ATP6V1E2: variants seen among roughly 807,000 people sequenced by gnomAD.
The protein encoded by ATP6V1E2 is ATPase H+ transporting V1 subunit E2, also known as V-type proton ATPase subunit E 2.
For missense variants in ATP6V1E2, 308 were observed against 273.3 expected (o/e 1.13, Z -0.90); for synonymous variants, 121 against 104.2 (o/e 1.16, Z -0.98).
chr2:46,513,040 A>G (rs1416580647), intron 4 of ATP6V1E2, among the ~76,000 whole-genome samples: 2 of 152,214 alleles, frequency 1.3e-5, no homozygotes, highest in Non-Finnish European at 2.9e-5. Context: ...TGAGGTAGTT[A>G]GGGCAGACCT....
intron 4 of ATP6V1E2, among the ~76,000 whole-genome samples, chr2:46,526,192 T>C (rs1666912474): frequency 6.6e-6 from 1 of 151,822 alleles, no homozygotes; most frequent in African/African-American, 2.4e-5. Context: ...CTCGGCTCAC[T>C]ACAACCCCCG....
chr2:46,530,914 C>A lies in ATP6V1E2; in HGVS notation c.-102+4899G>T, dbSNP rs190006977. On this transcript the variant is annotated intron_variant, in intron 4 of 4. Transcript: ENST00000522587. This position sits in a 1 kb window ranked among gnomAD's most constrained non-coding sequence, Gnocchi z 5.2. ...AGCCCATGATTCAGTTACTTCCCACCGGGCCCCTCCCGTGGCACGTGGGAA... is the reference window on the plus strand; with the variant it reads ...AGCCCATGATTCAGTTACTTCCCACAGGGCCCCTCCCGTGGCACGTGGGAA... Among the ~76,000 whole-genome samples, 2 of 152,198 alleles carry A rather than the reference C, an allele frequency of 1.3e-5. No individual in the cohort carries two copies. The highest frequency in any genetic ancestry group is 2.9e-5 in the Non-Finnish European group (2 of 68,038).
intron 4 of ATP6V1E2, among the ~76,000 whole-genome samples, chr2:46,529,433 C>T (rs77368743): frequency 0.019 from 2,920 of 152,272 alleles, 42 homozygotes; most frequent in Non-Finnish European, 0.026. Flanking sequence ...TCAACCCTGC[C>T]CACAGAGTCT....
chr2:46,531,317 A>G (rs755760791), intron 4 of ATP6V1E2, among the ~76,000 whole-genome samples: 3 of 152,224 alleles, frequency 2.0e-5, no homozygotes, highest in South Asian at 2.1e-4. Context: ...TTCACTTAGC[A>G]TAACGTTTTT....
rs1379030336 is a variant in ATP6V1E2 at position 46,541,342 on chromosome 2, A to C, written c.-310+48T>G. ...CCTAGTCGCAGACACGCAGGGCCAA[A>C]GGGTGGGTCCTGGGGAGAGGCTCAA... On this transcript the variant is annotated intron_variant, in intron 2 of 4. Transcript: ENST00000522587. 2.0e-5 allele frequency: 3 copies of C among 152,270 alleles called. No homozygotes were observed. In the South Asian group the frequency reaches 6.2e-4, roughly 32 times the overall value. 9.4% of individuals were successfully genotyped at this position (152,270 alleles called of 1,614,324 possible). A position where few individuals can be genotyped will look rare whatever the true frequency, so the allele number is the denominator to read the frequency against.
Position 46,535,984 on chromosome 2 carries a change from G to A in ATP6V1E2, c.-216-57C>T, listed in dbSNP as rs905782406. On this transcript the variant is annotated intron_variant, in intron 3 of 4. Transcript: ENST00000522587. This position sits in a 1 kb window ranked among gnomAD's most constrained non-coding sequence, Gnocchi z 4.4. ...TTTTGGAGGAGGGATCTGTGATCTA[G>A]CCTCCTTTGGAGCCTATGAGAGGAG... 2.6e-5 allele frequency: 4 copies of A among 152,100 alleles called. No homozygotes were observed. Among genetic ancestry groups the A allele is most frequent in the South Asian group, 2.1e-4 (1 of 4,818 alleles). The allele number at this position is 152,100 out of a possible 1,614,324, so 9.4% of individuals were successfully genotyped here.
intron 4 of ATP6V1E2, among the ~76,000 whole-genome samples, chr2:46,525,741 A>G (rs572886556): frequency 2.6e-5 from 4 of 152,296 alleles, no homozygotes; most frequent in Admixed American, 2.6e-4. Flanking sequence ...CAGGCAGGGG[A>G]AGAAACCTTT....
intron 4 of ATP6V1E2, among the ~76,000 whole-genome samples, chr2:46,525,740 G>A (rs1053092156): frequency 3.3e-5 from 5 of 152,178 alleles, no homozygotes; most frequent in Admixed American, 6.5e-5. Context: ...ACAGGCAGGG[G>A]AAGAAACCTT....
intron 4 of ATP6V1E2, among the ~76,000 whole-genome samples, chr2:46,515,136 G>C (rs1246264892): frequency 6.6e-6 from 1 of 152,162 alleles, no homozygotes; most frequent in African/African-American, 2.4e-5. Flanking sequence ...ATACTAAATG[G>C]AATCTTTCTA....
chr2:46,534,916 G>C (rs1015771454), intron 4 of ATP6V1E2: 13 of 152,252 alleles, frequency 8.5e-5, no homozygotes, highest in African/African-American at 3.1e-4. Flanking sequence ...GCACTGTGAA[G>C]TTTCACCTTA....
At chr2:46,520,252 T>C (rs1244472315) in intron 4 of ATP6V1E2, among the ~76,000 whole-genome samples, 1 of 152,224 alleles carries the variant, frequency 6.6e-6, no homozygotes, top group Admixed American at 6.5e-5. Context: ...TGTGCCCATG[T>C]AATGTGTCTA....
intron 2 of ATP6V1E2, among the ~76,000 whole-genome samples, chr2:46,539,453 A>G (rs1268014859): frequency 6.6e-6 from 1 of 152,242 alleles, no homozygotes; most frequent in Non-Finnish European, 1.5e-5. Flanking sequence ...CCCTTCTTGC[A>G]ATGAACGCAG....
intron 4 of ATP6V1E2, among the ~76,000 whole-genome samples, chr2:46,518,629 T>C (rs1047967284): frequency 6.6e-6 from 1 of 152,050 alleles, no homozygotes; most frequent in Non-Finnish European, 1.5e-5. Context: ...CAAAATGTCA[T>C]TAGAAGTCAG....
At chr2:46,529,354 C>G (rs923991415) in intron 4 of ATP6V1E2, among the ~76,000 whole-genome samples, 4 of 152,250 alleles carry the variant, frequency 2.6e-5, no homozygotes, top group African/African-American at 9.6e-5. Flanking sequence ...CTGTCCCTCA[C>G]CATGCCTAGG....
chr2:46,523,135 G>C (rs1297133096), intron 4 of ATP6V1E2, among the ~76,000 whole-genome samples: 1 of 151,988 alleles, frequency 6.6e-6, no homozygotes, highest in Non-Finnish European at 1.5e-5. Context: ...CTGGATATTA[G>C]ACCTTTGTCA....
At position 46,530,117 on chromosome 2, in the gene ATP6V1E2, A is replaced by T. The variant is rs1056531631; in HGVS notation, c.-102+5696T>A. Among the ~76,000 whole-genome samples the T allele has an allele frequency of 2.0e-5, 3 of 152,110 alleles. No homozygotes were observed. Among genetic ancestry groups the T allele is most frequent in the African/African-American group, 7.2e-5 (3 of 41,410 alleles). On this transcript the variant is annotated intron_variant, in intron 4 of 4. Coordinates refer to ENST00000522587, the MANE Select transcript of ATP6V1E2 (RefSeq NM_001318063.2). This position sits in a 1 kb window ranked among gnomAD's most constrained non-coding sequence, Gnocchi z 5.2. ...TAACTGAAGGTCTCAGGATCACTCA[A>T]TTCAGGCCACAACTGCACATCTCCA...
intron 2 of ATP6V1E2, chr2:46,537,655 A>G (rs1166661273): frequency 6.6e-6 from 1 of 152,128 alleles, no homozygotes; most frequent in Non-Finnish European, 1.5e-5. Context: ...GGATTTTTCC[A>G]TAACAGAAGT....
intron 4 of ATP6V1E2, among the ~76,000 whole-genome samples, chr2:46,531,723 A>G (rs1316248606): frequency 6.6e-6 from 1 of 152,160 alleles, no homozygotes. Flanking sequence ...TAGCCATCCT[A>G]GTGGGTGTAA....
At chr2:46,515,751 A>C (rs1447390282) in intron 4 of ATP6V1E2, among the ~76,000 whole-genome samples, 1 of 152,252 alleles carries the variant, frequency 6.6e-6, no homozygotes, top group Admixed American at 6.5e-5. Context: ...ATTAACAAAA[A>C]TAAACAAGAT....
Sources: allele counts gnomAD v4.1 joint callset (sites outside exome capture counted in the v4.1 genomes callset), GRCh38; gene constraint gnomAD v4.1.1; non-coding constraint Gnocchi (gnomAD v3.1); transcripts MANE v1.5; gene names NCBI Gene and HGNC (gene_info 2026-07-23, HGNC 2026-07-21).